The following IQCJ variants were observed in gnomAD, a reference collection of about 807,000 sequenced individuals.
The protein encoded by IQCJ is IQ motif containing J.
IQCJ carries 9 observed loss-of-function variants against 11.0 expected under a neutral mutation model. That is an observed-to-expected ratio of 0.82 (90% confidence interval 0.49 to 1.43). The LOEUF is 1.43. IQCJ is among the 40% of genes most tolerant of loss of function. The pLI, the probability that IQCJ is intolerant of heterozygous loss-of-function variation, is 0.00. For missense variants in IQCJ, 146 were observed against 133.2 expected, an observed-to-expected ratio of 1.10 and a Z score of -0.47; for synonymous variants, 55 against 51.3, an observed-to-expected ratio of 1.07 and a Z score of -0.31.
chr3:159,105,694 C>G (rs1267369379), intron 1 of IQCJ, among the ~76,000 whole-genome samples: 1 of 151,964 alleles, frequency 6.6e-6, no homozygotes, highest in Non-Finnish European at 1.5e-5. Context: ...AACACTGGGG[C>G]TGGGGTGGAG....
At chr3:159,164,741 C>T (rs1457921132) in intron 1 of IQCJ, among the ~76,000 whole-genome samples, 4 of 152,192 alleles carry the variant, frequency 2.6e-5, no homozygotes, top group Admixed American at 2.6e-4. Flanking sequence ...GCACTCCAGC[C>T]TGGGTGACAG....
intron 2 of IQCJ, among the ~76,000 whole-genome samples, chr3:159,249,927 G>A (rs1274252115): frequency 7.5e-5 from 5 of 66,818 alleles, no homozygotes; most frequent in South Asian, 3.7e-4. Context: ...ACACACACAC[G>A]AGCTTAGCGA....
At chr3:159,239,388 G>A (rs978254359) in intron 1 of IQCJ, among the ~76,000 whole-genome samples, 2 of 152,030 alleles carry the variant, frequency 1.3e-5, no homozygotes, top group African/African-American at 2.4e-5. Flanking sequence ...TTTCTGCAAT[G>A]AAATATTCAA....
chr3:159,205,557 C>T (rs992771765), intron 1 of IQCJ, among the ~76,000 whole-genome samples: 18 of 152,224 alleles, frequency 1.2e-4, no homozygotes, highest in Non-Finnish European at 2.4e-4. Flanking sequence ...TGAAGGTCTT[C>T]CTGGAGTGTC....
At chr3:159,189,512 AC>A (rs1723560536) in intron 1 of IQCJ, among the ~76,000 whole-genome samples, 1 of 152,162 alleles carries the variant, frequency 6.6e-6, no homozygotes, top group African/African-American at 2.4e-5. Context: ...ATTCTCTGGC[AC>A]TAGAGGGAGA....
At chr3:159,230,767 C>T (rs1726201000) in intron 1 of IQCJ, among the ~76,000 whole-genome samples, 1 of 152,120 alleles carries the variant, frequency 6.6e-6, no homozygotes, top group Non-Finnish European at 1.5e-5. Context: ...ACTTTCTAGC[C>T]ATATTAATTT....
At chr3:159,233,197 G>A (rs1004813620) in intron 1 of IQCJ, among the ~76,000 whole-genome samples, 3 of 152,078 alleles carry the variant, frequency 2.0e-5, no homozygotes, top group African/African-American at 7.2e-5. Flanking sequence ...TGTTCCAAGA[G>A]AATTAAGTCG....
chr3:159,228,556 C>A (rs964525100), intron 1 of IQCJ, among the ~76,000 whole-genome samples: 2 of 151,898 alleles, frequency 1.3e-5, no homozygotes, highest in Non-Finnish European at 2.9e-5. Context: ...TTTGGGAGGC[C>A]GAGGCGGGCG....
In IQCJ at chr3:159,262,608, G is replaced by T. The variant is rs745755758; in HGVS notation, c.216G>T (p.Pro72=). Residue 72 remains proline (P), a synonymous_variant, in exon 4 of 4, where the codon CCG becomes CCT. Coordinates refer to ENST00000397832, the MANE Select transcript of IQCJ (RefSeq NM_001042706.3). ...QRQEPLGKRS[P]SPPSVSSEKL... is the part of the protein sequence containing the mutation. ...AGGAGCCCCTGGGGAAGAGGAGCCC[G>T]TCCCCACCCTCTGTCTCCTCAGAGA... 7.4e-6 allele frequency: 12 copies of T among 1,613,938 alleles called. No homozygotes were observed. The highest frequency in any genetic ancestry group is 6.7e-5 in the East Asian group (3 of 44,880).
At chr3:159,250,133 T>G (rs1727509731) in intron 2 of IQCJ, among the ~76,000 whole-genome samples, 1 of 152,216 alleles carries the variant, frequency 6.6e-6, no homozygotes, top group South Asian at 2.1e-4. Flanking sequence ...CACATTGTAC[T>G]GAGGAGTAAT....
chr3:159,139,454 A>G (rs1720478543), intron 1 of IQCJ, among the ~76,000 whole-genome samples: 1 of 152,080 alleles, frequency 6.6e-6, no homozygotes, highest in Non-Finnish European at 1.5e-5. Flanking sequence ...CCCTGGTATT[A>G]TTTACACATA....
chr3:159,149,048 G>A (rs1721061801), intron 1 of IQCJ, among the ~76,000 whole-genome samples: 1 of 152,090 alleles, frequency 6.6e-6, no homozygotes, highest in African/African-American at 2.4e-5. Context: ...TGGTTTGTGA[G>A]CCCACTAAAT....
intron 1 of IQCJ, among the ~76,000 whole-genome samples, chr3:159,161,406 G>A (rs1415591347): frequency 6.6e-6 from 1 of 152,072 alleles, no homozygotes; most frequent in Admixed American, 6.6e-5. Context: ...ATTTGTTTGA[G>A]TTCATTGTAG....
At chr3:159,238,449 G>A (rs971348402) in intron 1 of IQCJ, among the ~76,000 whole-genome samples, 2 of 152,156 alleles carry the variant, frequency 1.3e-5, no homozygotes, top group Admixed American at 1.3e-4. Flanking sequence ...GGGCCATTAA[G>A]CTACTAAAGT....
At chr3:159,160,055 T>C (rs908466831) in intron 1 of IQCJ, among the ~76,000 whole-genome samples, 4 of 152,204 alleles carry the variant, frequency 2.6e-5, no homozygotes, top group Non-Finnish European at 5.9e-5. Context: ...TACCATGGTC[T>C]TCATCAAATG....
chr3:159,219,648 A>G (rs1725426624), intron 1 of IQCJ, among the ~76,000 whole-genome samples: 2 of 152,196 alleles, frequency 1.3e-5, no homozygotes, highest in Non-Finnish European at 2.9e-5. Context: ...TATAGTAAAA[A>G]TATTAAAGAT....
intron 1 of IQCJ, among the ~76,000 whole-genome samples, chr3:159,242,419 A>G (rs1726979681): frequency 6.6e-6 from 1 of 152,222 alleles, no homozygotes; most frequent in Non-Finnish European, 1.5e-5. Context: ...TCAGGGTCCC[A>G]GGTACCTTCG....
chr3:159,085,185 G>T (rs527777454), intron 1 of IQCJ, among the ~76,000 whole-genome samples: 5 of 150,984 alleles, frequency 3.3e-5, no homozygotes, highest in Admixed American at 3.3e-4. Flanking sequence ...TTTTGTTCTT[G>T]CGATAGTTTA....
At chr3:159,241,803 A>G (rs557848441) in intron 1 of IQCJ, among the ~76,000 whole-genome samples, 16 of 152,362 alleles carry the variant, frequency 1.1e-4, no homozygotes, top group Non-Finnish European at 2.1e-4. Flanking sequence ...CAAAAAACCT[A>G]CTTCCATGGT....
Sources: allele counts gnomAD v4.1 joint callset (sites outside exome capture counted in the v4.1 genomes callset), GRCh38; gene constraint gnomAD v4.1.1; transcripts MANE v1.5; gene names NCBI Gene and HGNC (gene_info 2026-07-23, HGNC 2026-07-21).